Variants in SLC25A31 observed in about 807,000 individuals in gnomAD.
The protein encoded by SLC25A31 is ADP/ATP translocase 4.
Under a neutral mutation model 36.2 loss-of-function variants are expected in SLC25A31, and 40 were observed. The ratio of observed to expected loss-of-function variants is 1.10; its 90% CI spans 0.86 to 1.44. The LOEUF is 1.44. Among genes scored for constraint, SLC25A31 ranks in the 40% most tolerant of loss-of-function variants. The pLI is 0.00. For missense variants in SLC25A31, 350 were observed against 397.1 expected (o/e 0.88, Z 1.01); for synonymous variants, 143 against 149.7 (o/e 0.96, Z 0.32).
chr4:127,766,282 C>T (rs1732241427), intron 3 of SLC25A31, among the ~76,000 whole-genome samples: 1 of 151,986 alleles, frequency 6.6e-6, no homozygotes, highest in Admixed American at 6.6e-5. Context: ...GTTCTCCTGC[C>T]TCAGCCTCCT....
At chr4:127,751,660 T>C (rs1195677881) in intron 2 of SLC25A31, among the ~76,000 whole-genome samples, 1 of 152,170 alleles carries the variant, frequency 6.6e-6, no homozygotes, top group African/African-American at 2.4e-5. Flanking sequence ...AGAAAAGTTT[T>C]GCAATCTACT....
rs184315442 is a variant in SLC25A31, at chr4:127,756,438, G to A, written c.361-7805G>A. On this transcript the variant is annotated intron_variant, in intron 2 of 5. Transcript: ENST00000281154. ...GCTTTCTGAGGTCGATGGAGCGTGG[G>A]GGGATGAGGAATGGGTAGATGTTGC... is the stretch of plus-strand genomic sequence containing the variant. Among the ~76,000 whole-genome samples, 742 of 152,248 alleles carry A rather than the reference G, an allele frequency of 4.9e-3. 7 individuals are homozygous for A. Among genetic ancestry groups the A allele is most frequent in the African/African-American group, 0.017 (709 of 41,538 alleles).
Position 127,730,566 on chromosome 4 carries a change from A to G in SLC25A31, c.21A>G (p.Lys7=). 5 of 1,613,914 alleles carry G rather than the reference A, an allele frequency of 3.1e-6. No individual in the cohort carries two copies. Among genetic ancestry groups the G allele is most frequent in the Non-Finnish European group, 4.2e-6 (5 of 1,179,782 alleles). Residue 7 remains lysine, a synonymous_variant, in exon 1 of 6, where the codon AAA becomes AAG. Coordinates refer to ENST00000281154, the MANE Select transcript of SLC25A31 (RefSeq NM_031291.4). ...CCATCATGCATCGTGAGCCTGCGAA[A>G]AAGAAGGCAGAAAAGCGGCTGTTTG... MHREPA[K]KKAEKRLFDA...
At chr4:127,749,244 A>G (rs1731879166) in intron 2 of SLC25A31, among the ~76,000 whole-genome samples, 1 of 152,286 alleles carries the variant, frequency 6.6e-6, no homozygotes, top group East Asian at 1.9e-4. Flanking sequence ...AAAAAAATAT[A>G]AAGACTGAAG....
At chr4:127,731,391 C>T (rs1731523128) in intron 1 of SLC25A31, among the ~76,000 whole-genome samples, 1 of 151,934 alleles carries the variant, frequency 6.6e-6, no homozygotes, top group Non-Finnish European at 1.5e-5. Context: ...AAAACCCAAC[C>T]CTCAGTCATC....
At chr4:127,751,316 A>G (rs1305207512) in intron 2 of SLC25A31, among the ~76,000 whole-genome samples, 1 of 152,214 alleles carries the variant, frequency 6.6e-6, no homozygotes, top group Non-Finnish European at 1.5e-5. Context: ...AAAACAAGAA[A>G]TGGGGAAAGG....
chr4:127,752,905 A>G (rs1731963236), intron 2 of SLC25A31, among the ~76,000 whole-genome samples: 1 of 152,242 alleles, frequency 6.6e-6, no homozygotes, highest in African/African-American at 2.4e-5. Flanking sequence ...TCTAACAGAT[A>G]TATTTAGAAC....
At chr4:127,734,685 T>C (rs995928513) in intron 1 of SLC25A31, among the ~76,000 whole-genome samples, 11 of 152,046 alleles carry the variant, frequency 7.2e-5, no homozygotes, top group African/African-American at 1.9e-4. Flanking sequence ...CCCAAACCCA[T>C]TTTTCTGAAG....
chr4:127,764,426 C>A, intron 3 of SLC25A31, 66 bp downstream of exon 3: 1 of 1,339,004 alleles, frequency 7.5e-7, no homozygotes, highest in Non-Finnish European at 1.1e-6. Flanking sequence ...TATTTATTGG[C>A]ATTAATTGTG....
At chr4:127,747,460 T>C (rs1731846146) in intron 2 of SLC25A31, among the ~76,000 whole-genome samples, 1 of 152,178 alleles carries the variant, frequency 6.6e-6, no homozygotes, top group South Asian at 2.1e-4. Context: ...TACAAAACAC[T>C]GCTCATAGAA....
intron 1 of SLC25A31, among the ~76,000 whole-genome samples, chr4:127,738,158 T>C (rs1731668015): frequency 6.6e-6 from 1 of 152,198 alleles, no homozygotes; most frequent in Non-Finnish European, 1.5e-5. Context: ...AGCCTTGGCC[T>C]CCCAGAGTCA....
chr4:127,733,867 T>C (rs1352677015), intron 1 of SLC25A31, among the ~76,000 whole-genome samples: 1 of 152,226 alleles, frequency 6.6e-6, no homozygotes, highest in East Asian at 1.9e-4. Context: ...ATCTCTACTT[T>C]CTTTCCATTA....
intron 1 of SLC25A31, among the ~76,000 whole-genome samples, chr4:127,731,474 G>A (rs1731524688): frequency 6.6e-6 from 1 of 152,138 alleles, no homozygotes; most frequent in Non-Finnish European, 1.5e-5. Flanking sequence ...AGGCCGAGGC[G>A]GGCGGATCAC....
intron 2 of SLC25A31, among the ~76,000 whole-genome samples, chr4:127,755,761 C>T (rs1040761626): frequency 1.3e-5 from 2 of 152,192 alleles, no homozygotes; most frequent in African/African-American, 4.8e-5. Flanking sequence ...GGGCCAGGTG[C>T]TGTGGTTCAC....
rs116441649 is a variant in SLC25A31, at chr4:127,744,218, G to T, written c.233-454G>T. 5.1e-3 allele frequency among the ~76,000 whole-genome samples: 780 copies of T among 152,224 alleles called. 5 individuals are homozygous for T. Among genetic ancestry groups the T allele is most frequent in the Non-Finnish European group, 8.4e-3 (570 of 68,002 alleles). On this transcript the variant is annotated intron_variant, in intron 1 of 5. Coordinates refer to ENST00000281154, the MANE Select transcript of SLC25A31 (RefSeq NM_031291.4). ...AAATGGTTCCAGATCATAAAGATAA[G>T]GGCACTTTAGATTCTTTTATCCTGT... is the stretch of plus-strand genomic sequence containing the variant.
intron 4 of SLC25A31, 127 bp from the exon 5 acceptor site, chr4:127,768,625 A>G (rs561462448): frequency 3.5e-5 from 26 of 745,844 alleles, no homozygotes; most frequent in Non-Finnish European, 5.0e-5. Flanking sequence ...ATTAAATCCA[A>G]CATTTTTATT....
At chr4:127,766,867 A>G (rs993763532) in intron 3 of SLC25A31, among the ~76,000 whole-genome samples, 199 bp from the exon 4 acceptor site, 1 of 152,122 alleles carries the variant, frequency 6.6e-6, no homozygotes, top group Admixed American at 6.5e-5. Flanking sequence ...AGAGATTAAT[A>G]TTTTCCATTT....
At chr4:127,745,081 G>A (rs1013388471) in intron 2 of SLC25A31, among the ~76,000 whole-genome samples, 1 of 151,988 alleles carries the variant, frequency 6.6e-6, no homozygotes, top group African/African-American at 2.4e-5. Context: ...TCACTGTTTT[G>A]CGCTGGGGAA....
intron 2 of SLC25A31, among the ~76,000 whole-genome samples, chr4:127,748,805 A>C (rs1179222929): frequency 1.3e-5 from 2 of 152,172 alleles, no homozygotes; most frequent in Admixed American, 1.3e-4. Context: ...GTTTTCTAAG[A>C]CTGCAAGAAA....
Sources: allele counts gnomAD v4.1 joint callset (sites outside exome capture counted in the v4.1 genomes callset), GRCh38; gene constraint gnomAD v4.1.1; transcripts MANE v1.5; gene names NCBI Gene and HGNC (gene_info 2026-07-23, HGNC 2026-07-21).